Variants in FNDC1 observed in about 807,000 individuals in gnomAD.
FNDC1 encodes fibronectin type III domain-containing protein 1.
FNDC1 carries 96 observed loss-of-function variants against 168.0 expected under a neutral mutation model. That is an observed-to-expected ratio of 0.57 (90% confidence interval 0.48 to 0.68). The LOEUF is 0.68. Among genes scored for constraint, FNDC1 ranks in the 30% least tolerant of loss-of-function variants. FNDC1 has a pLI of 0.00. For missense variants in FNDC1, 2,587 were observed against 2,482.1 expected (o/e 1.04, Z -0.90); for synonymous variants, 1,099 against 1,025.9 (o/e 1.07, Z -1.36).
At chr6:159,175,289 G>C (rs1781739610) in intron 1 of FNDC1, among the ~76,000 whole-genome samples, 1 of 152,102 alleles carries the variant, frequency 6.6e-6, no homozygotes, top group African/African-American at 2.4e-5. Flanking sequence ...GTGACCTTAC[G>C]AAGTCAGTAA....
At chr6:159,216,821 G>C (rs1042516163) in intron 5 of FNDC1, among the ~76,000 whole-genome samples, 1 of 152,240 alleles carries the variant, frequency 6.6e-6, no homozygotes, top group East Asian at 1.9e-4. Flanking sequence ...GACTGTTCTG[G>C]CATTTCCTAA....
intron 17 of FNDC1, among the ~76,000 whole-genome samples, chr6:159,251,957 T>A (rs294897): frequency 6.6e-6 from 1 of 151,952 alleles, no homozygotes. Flanking sequence ...GGGCCACACA[T>A]TTGTCCCTTT....
intron 6 of FNDC1, among the ~76,000 whole-genome samples, chr6:159,222,501 G>A (rs1450134042): frequency 6.6e-6 from 1 of 151,964 alleles, no homozygotes; most frequent in Non-Finnish European, 1.5e-5. Flanking sequence ...AAAGTGAAAA[G>A]AAAAAACGAA....
chr6:159,191,936 C>T (rs1196716294), intron 1 of FNDC1, among the ~76,000 whole-genome samples: 1 of 152,088 alleles, frequency 6.6e-6, no homozygotes, highest in East Asian at 1.9e-4. Flanking sequence ...TAATGATAAA[C>T]CATAGCTCAC....
intron 22 of FNDC1, 65 bp from the exon 23 acceptor site, chr6:159,271,262 G>A: frequency 9.3e-7 from 1 of 1,078,338 alleles, no homozygotes; most frequent in Non-Finnish European, 1.4e-6. Context: ...GAGGCTGTAA[G>A]GATGAGTTCT....
chr6:159,236,133 A>T, intron 11 of FNDC1, 82 bp from the exon 12 acceptor site: 1 of 841,188 alleles, frequency 1.2e-6, no homozygotes, highest in Non-Finnish European at 1.9e-6. Flanking sequence ...ATGTGTCACT[A>T]CTAATAGTTT....
chr6:159,197,670 A>G (rs1421916131), intron 2 of FNDC1, 45 bp downstream of exon 2: 2 of 1,522,506 alleles, frequency 1.3e-6, no homozygotes, highest in Admixed American at 3.6e-5. Context: ...TTAACTGTGC[A>G]CCAACATTCT....
In FNDC1 at chr6:159,183,333, C is replaced by G. The variant is rs1781922475; in HGVS notation, c.109+13628C>G. Among the ~76,000 whole-genome samples the G allele has an allele frequency of 1.3e-5, 2 of 152,206 alleles. 1 individual carries two copies. Among genetic ancestry groups the G allele is most frequent in the African/African-American group, 4.8e-5 (2 of 41,456 alleles). On this transcript the variant is annotated intron_variant, in intron 1 of 22. Transcript: ENST00000297267. ...ACTTGACATTGGGGGACATTCCCTT[C>G]TTCCTGAAAATCTCTCCTGCTTCCA...
intron 4 of FNDC1, among the ~76,000 whole-genome samples, chr6:159,206,188 C>G (rs1782484008): frequency 6.6e-6 from 1 of 152,264 alleles, no homozygotes; most frequent in Non-Finnish European, 1.5e-5. Context: ...TGCTGTGCAC[C>G]AGACTCGTGC....
intron 4 of FNDC1, among the ~76,000 whole-genome samples, chr6:159,214,677 C>G (rs2114966804): frequency 6.6e-6 from 1 of 152,294 alleles, no homozygotes; most frequent in South Asian, 2.1e-4. Context: ...GTAAAACATC[C>G]AAGATTTCTG....
chr6:159,263,230 C>T (rs1040649870), intron 19 of FNDC1, among the ~76,000 whole-genome samples: 3 of 152,210 alleles, frequency 2.0e-5, no homozygotes, highest in Middle Eastern at 6.8e-3. Flanking sequence ...TGGTGTTTCC[C>T]TCTATTTTGT....
intron 1 of FNDC1, among the ~76,000 whole-genome samples, chr6:159,185,973 G>A (rs1441664282): frequency 6.6e-6 from 1 of 152,190 alleles, no homozygotes; most frequent in Non-Finnish European, 1.5e-5. Context: ...TTGGGAAACT[G>A]GACTTGAATG....
At chr6:159,224,074 G>A (rs1000282101) in intron 7 of FNDC1, among the ~76,000 whole-genome samples, 1 of 152,186 alleles carries the variant, frequency 6.6e-6, no homozygotes, top group African/African-American at 2.4e-5. Context: ...ATGTAGAGTG[G>A]TGGACAATGT....
chr6:159,245,713 C>A (rs560269932), intron 14 of FNDC1, among the ~76,000 whole-genome samples: 1 of 152,088 alleles, frequency 6.6e-6, no homozygotes, highest in Admixed American at 6.5e-5. Flanking sequence ...GTTACTTATG[C>A]TCATAATATC....
chr6:159,216,023 G>A (rs1438037714), intron 5 of FNDC1, among the ~76,000 whole-genome samples: 1 of 151,896 alleles, frequency 6.6e-6, no homozygotes, highest in Non-Finnish European at 1.5e-5. Flanking sequence ...GTGCAGTGGC[G>A]CAATCTTGGC....
Position 159,242,725 on chromosome 6 carries a change from A to G in FNDC1, c.4621+2768A>G, listed in dbSNP as rs1783452655. On this transcript the variant is annotated intron_variant, in intron 14 of 22. Transcript: ENST00000297267. ...TCCCTCCTCCCAACCCATGGAAACC[A>G]CTAACATACTTTCTCTCTCTATGGA... is the stretch of plus-strand genomic sequence containing the variant. Among the ~76,000 whole-genome samples the G allele has an allele frequency of 2.6e-5, 4 of 152,152 alleles. No individual in the cohort carries two copies. In the South Asian group the frequency reaches 8.3e-4, roughly 32 times the overall value.
At position 159,232,861 on chromosome 6, in the gene FNDC1, T is replaced by A. The variant is rs1382379828; in HGVS notation, c.2349T>A (p.Ala783=). The change falls in exon 11 of 23, where the codon GCT becomes GCA. Residue 783 remains alanine, a synonymous_variant. Coordinates refer to ENST00000297267, the MANE Select transcript of FNDC1 (RefSeq NM_032532.3). This position sits in a 1 kb window ranked among gnomAD's most constrained non-coding sequence, Gnocchi z 4.9. ...SRTQVSEGAE[A]SDGESHGDGD... ...CGCAGGTCTCTGAGGGAGCGGAGGC[T>A]TCTGATGGTGAAAGCCACGGTGACG... 7.4e-6 allele frequency: 12 copies of A among 1,613,596 alleles called. No individual in the cohort carries two copies.
chr6:159,230,867 C>T (rs1311026520), intron 10 of FNDC1, among the ~76,000 whole-genome samples: 5 of 152,194 alleles, frequency 3.3e-5, no homozygotes, highest in Non-Finnish European at 2.9e-5. Context: ...AGGTTCCTCT[C>T]CCCTATAGAA....
At chr6:159,258,997 T>G (rs1777426544) in intron 18 of FNDC1, among the ~76,000 whole-genome samples, 1 of 152,218 alleles carries the variant, frequency 6.6e-6, no homozygotes, top group Non-Finnish European at 1.5e-5. Flanking sequence ...AAGTGAGCAT[T>G]GTCTACCTTA....
Sources: allele counts gnomAD v4.1 joint callset (sites outside exome capture counted in the v4.1 genomes callset), GRCh38; gene constraint gnomAD v4.1.1; non-coding constraint Gnocchi (gnomAD v3.1); transcripts MANE v1.5; gene names NCBI Gene and HGNC (gene_info 2026-07-23, HGNC 2026-07-21).